Variants in MSRA observed in about 807,000 individuals in gnomAD.
MSRA encodes the protein mitochondrial peptide methionine sulfoxide reductase.
Under a neutral mutation model 31.3 loss-of-function variants are expected in MSRA, and 54 were observed. The ratio of observed to expected loss-of-function variants is 1.73; its 90% CI spans 1.39 to 2.17. The LOEUF (loss-of-function observed/expected upper bound fraction) is 2.17, where lower values mean the gene tolerates loss of function less well. Among genes scored for constraint, MSRA ranks in the 30% most tolerant of loss-of-function variants. The probability of loss-of-function intolerance (pLI) is 0.00; values close to 1 mark genes in which losing one functional copy is unlikely to be tolerated. For missense variants in MSRA, 507 were observed against 300.9 expected, an observed-to-expected ratio of 1.69 and a Z score of -5.07; for synonymous variants, 169 against 116.5, an observed-to-expected ratio of 1.45 and a Z score of -2.90.
rs140257496 is a variant in MSRA at position 10,112,627 on chromosome 8, A to G, written c.142+57969A>G. On this transcript the variant is annotated intron_variant, in intron 1 of 5. Coordinates refer to ENST00000317173, the MANE Select transcript of MSRA (RefSeq NM_012331.5). Reference sequence around the variant, plus strand: ...ATTTCTTGAGCACCTACTATGTGCTAAGCTCCCTGTCTTGTAAAACTTATA... The same window carrying G: ...ATTTCTTGAGCACCTACTATGTGCTGAGCTCCCTGTCTTGTAAAACTTATA... Among the ~76,000 whole-genome samples, 817 of 152,368 alleles carry G rather than the reference A, an allele frequency of 5.4e-3. 10 individuals are homozygous for G. Among genetic ancestry groups the G allele is most frequent in the African/African-American group, 0.018 (743 of 41,584 alleles).
chr8:10,133,261 G>C (rs1399596406), intron 1 of MSRA, among the ~76,000 whole-genome samples: 2 of 152,184 alleles, frequency 1.3e-5, no homozygotes, highest in Non-Finnish European at 2.9e-5. Context: ...AGAGCTGCGT[G>C]CTATAAATTC....
At chr8:10,204,755 A>C (rs1285793134) in intron 1 of MSRA, among the ~76,000 whole-genome samples, 1 of 152,256 alleles carries the variant, frequency 6.6e-6, no homozygotes, top group Non-Finnish European at 1.5e-5. Flanking sequence ...GTTATCTTTC[A>C]TAATGGCTAA....
intron 4 of MSRA, among the ~76,000 whole-genome samples, chr8:10,319,430 C>G (rs1311748743): frequency 6.6e-6 from 1 of 152,126 alleles, no homozygotes; most frequent in African/African-American, 2.4e-5. Flanking sequence ...TGCTATGTGC[C>G]AAGCACCGTG....
At chr8:10,325,454 A>C (rs528005273) in intron 5 of MSRA, among the ~76,000 whole-genome samples, 1 of 152,200 alleles carries the variant, frequency 6.6e-6, no homozygotes, top group African/African-American at 2.4e-5. Flanking sequence ...TCATGTATAG[A>C]TCTTAGGTGT....
chr8:10,170,979 G>A (rs935593487), intron 1 of MSRA, among the ~76,000 whole-genome samples: 4 of 152,218 alleles, frequency 2.6e-5, no homozygotes, highest in African/African-American at 4.8e-5. Context: ...CGTGGTGAGA[G>A]TGGATATCTT....
intron 2 of MSRA, among the ~76,000 whole-genome samples, chr8:10,227,166 T>A (rs539837039): frequency 2.1e-4 from 32 of 152,260 alleles, no homozygotes; most frequent in Middle Eastern, 3.4e-3. Context: ...GAGGAGCAGA[T>A]GAAGGAGCTT....
intron 5 of MSRA, among the ~76,000 whole-genome samples, chr8:10,350,781 G>A (rs765851645): frequency 6.6e-5 from 10 of 152,082 alleles, no homozygotes; most frequent in African/African-American, 9.7e-5. Flanking sequence ...ACTTACCCCC[G>A]AGGCCTCGCG....
chr8:10,113,292 C>CTTTTTT (rs10665004), intron 1 of MSRA, among the ~76,000 whole-genome samples: 689 of 57,378 alleles, frequency 0.012, 58 homozygotes, highest in African/African-American at 0.048. Context: ...GACAGGTCTT[C>CTTTTTT]TTTTTTTTTT....
At chr8:10,259,614 T>G (rs988316205) in intron 3 of MSRA, among the ~76,000 whole-genome samples, 4 of 152,140 alleles carry the variant, frequency 2.6e-5, no homozygotes, top group Non-Finnish European at 5.9e-5. Context: ...AACATTTTTC[T>G]GGACATTTGG....
intron 1 of MSRA, among the ~76,000 whole-genome samples, chr8:10,126,546 TC>T (rs1488345071): frequency 6.6e-6 from 1 of 152,164 alleles, no homozygotes; most frequent in Admixed American, 6.5e-5. Context: ...GATGGGGTCT[TC>T]TGTCGCCCAG....
At chr8:10,240,670 C>T (rs918222127) in intron 2 of MSRA, among the ~76,000 whole-genome samples, 6 of 152,196 alleles carry the variant, frequency 3.9e-5, no homozygotes, top group African/African-American at 1.4e-4. Context: ...GAGTCCACAG[C>T]TGTCCTGAAC....
chr8:10,353,527 G>A, intron 5 of MSRA: 1 of 446,512 alleles, frequency 2.2e-6, no homozygotes, highest in African/African-American at 2.0e-5. Flanking sequence ...TTGGTCCCCT[G>A]CAGAGCACGA....
chr8:10,246,052 C>G (rs1396818395), intron 3 of MSRA, among the ~76,000 whole-genome samples: 3 of 151,386 alleles, frequency 2.0e-5, no homozygotes, highest in Non-Finnish European at 2.9e-5. Flanking sequence ...TGCTGCCTAG[C>G]AAACTATTGA....
chr8:10,384,834 T>G (rs563984812), intron 5 of MSRA, among the ~76,000 whole-genome samples: 8 of 152,124 alleles, frequency 5.3e-5, no homozygotes, highest in African/African-American at 1.9e-4. Context: ...AGAGCAAAAC[T>G]CTTTGTCTCC....
At chr8:10,377,228 CG>C (rs1298550464) in intron 5 of MSRA, among the ~76,000 whole-genome samples, 1 of 152,258 alleles carries the variant, frequency 6.6e-6, no homozygotes, top group African/African-American at 2.4e-5. Context: ...AGTTCACCTG[CG>C]TGGCTTAACG....
intron 2 of MSRA, among the ~76,000 whole-genome samples, chr8:10,228,806 C>T (rs114571127): frequency 6.6e-6 from 1 of 152,172 alleles, no homozygotes; most frequent in African/African-American, 2.4e-5. Context: ...TCACCGGATT[C>T]CACATATACA....
At chr8:10,307,045 A>G (rs1457853473) in intron 4 of MSRA, among the ~76,000 whole-genome samples, 1 of 152,190 alleles carries the variant, frequency 6.6e-6, no homozygotes, top group Admixed American at 6.5e-5. Flanking sequence ...AAGACTCATA[A>G]TCTTGCTTAA....
At chr8:10,401,682 TAA>T (rs11355031) in intron 5 of MSRA, among the ~76,000 whole-genome samples, 1 of 151,102 alleles carries the variant, frequency 6.6e-6, no homozygotes, top group Non-Finnish European at 1.5e-5. Flanking sequence ...GATGAATGGG[TAA>T]AAAAAAAATG....
intron 5 of MSRA, among the ~76,000 whole-genome samples, chr8:10,360,364 G>T (rs1159014152): frequency 6.6e-6 from 1 of 152,230 alleles, no homozygotes; most frequent in Non-Finnish European, 1.5e-5. Context: ...GTTGTTGGTG[G>T]TTTCATTCAT....
Sources: gnomAD v4.1 joint callset for allele counts (sites outside exome capture counted in the v4.1 genomes callset) on GRCh38, gnomAD v4.1.1 for gene constraint, MANE v1.5 for transcripts, NCBI Gene and HGNC (gene_info 2026-07-23, HGNC 2026-07-21) for gene names.